TMA7: variants seen among roughly 807,000 people sequenced by gnomAD.
TMA7 encodes translation machinery-associated protein 7.
Under a neutral mutation model 12.5 loss-of-function variants are expected in TMA7, and 5 were observed. That is an observed-to-expected ratio of 0.40 (90% CI 0.21 to 0.84). TMA7 has a LOEUF of 0.84. TMA7 is among the 40% of genes least tolerant of loss of function. The pLI, the probability that TMA7 is intolerant of heterozygous loss-of-function variation, is 0.36. For missense variants in TMA7, 71 were observed against 75.4 expected (o/e 0.94, Z 0.22); for synonymous variants, 36 against 28.1 (o/e 1.28, Z -0.89).
At position 48,440,453 on chromosome 3, in the gene TMA7, G is replaced by A. The variant is rs1189201905; in HGVS notation, c.67G>A (p.Asp23Asn). 1 of 1,612,334 alleles carries A rather than the reference G, an allele frequency of 6.2e-7. No homozygotes were observed. Among genetic ancestry groups the A allele is most frequent in the African/African-American group, 1.3e-5 (1 of 75,048 alleles). ...KQPKKQAKEM[D>N]EEDKAFKQKQ... ...GCCCAAGAAGCAGGCCAAGGAGATG[G>A]ACGAGGTGAGGGCGGGCGCGGAGGC... is the stretch of plus-strand genomic sequence containing the variant. Residue 23 changes from aspartate (D) to asparagine (N), a missense_variant, in exon 2 of 4, where the codon GAC (aspartate) becomes AAC (asparagine). Transcript: ENST00000438607.
intron 3 of TMA7, among the ~76,000 whole-genome samples, chr3:48,443,034 G>A (rs1448874823): frequency 2.0e-5 from 3 of 151,834 alleles, no homozygotes. Context: ...GAGGTCTGGA[G>A]TTCGAGACCT....
chr3:48,442,260 C>CAAA (rs199829895), intron 3 of TMA7, among the ~76,000 whole-genome samples: 1 of 131,838 alleles, frequency 7.6e-6, no homozygotes, highest in African/African-American at 2.7e-5. Context: ...GACCCTATCT[C>CAAA]AAAAAAAAAA....
At chr3:48,440,995 C>CT in intron 3 of TMA7, 1 of 307,504 alleles carries the variant, frequency 3.3e-6, no homozygotes. Flanking sequence ...TTGAACCTTA[C>CT]TTGACTTAGA....
intron 3 of TMA7, among the ~76,000 whole-genome samples, chr3:48,442,981 T>G (rs2039602226): frequency 1.3e-5 from 2 of 151,836 alleles, no homozygotes; most frequent in Non-Finnish European, 2.9e-5. Flanking sequence ...GGCTCAAGAC[T>G]GTAATCCCAG....
chr3:48,442,697 GC>G (rs2039598259), intron 3 of TMA7, among the ~76,000 whole-genome samples: 1 of 151,804 alleles, frequency 6.6e-6, no homozygotes, highest in Non-Finnish European at 1.5e-5. Context: ...TGATCCACCC[GC>G]CTCCACCTCC....
At chr3:48,442,918 C>T (rs886773516) in intron 3 of TMA7, among the ~76,000 whole-genome samples, 1 of 151,984 alleles carries the variant, frequency 6.6e-6, no homozygotes, top group African/African-American at 2.4e-5. Context: ...CCTGGCTTGT[C>T]ACATACTTGA....
At chr3:48,443,512 C>T (rs142092955) in intron 3 of TMA7, among the ~76,000 whole-genome samples, 1,980 of 148,586 alleles carry the variant, frequency 0.013, 33 homozygotes, top group African/African-American at 0.046. Flanking sequence ...GCAGCCTGGG[C>T]GACAGAGCAA....
rs553575062 is a variant in TMA7 at position 48,442,671 on chromosome 3, C to T, written c.161-1177C>T. Among the ~76,000 whole-genome samples the T allele has an allele frequency of 2.0e-5, 3 of 151,806 alleles. No homozygotes were observed. The South Asian group carries it at 6.3e-4, about 32-fold the overall frequency. ...TTCACCATGTTGGCCAGGATGGTCT[C>T]GATCTCCTGACCTCGTGATCCACCC... On this transcript the variant is annotated intron_variant, in intron 3 of 3. Coordinates refer to ENST00000438607, the MANE Select transcript of TMA7 (RefSeq NM_015933.6).
chr3:48,443,535 GAA>G (rs35356755), intron 3 of TMA7, among the ~76,000 whole-genome samples: 6,529 of 114,686 alleles, frequency 0.057, 436 homozygotes, highest in African/African-American at 0.17. Flanking sequence ...TTCCATCTCA[GAA>G]AAAAAAAAAA....
chr3:48,440,805 G>C lies in TMA7; in HGVS notation c.160+177G>C, dbSNP rs1232837964. 77 of 640,374 alleles carry C rather than the reference G, an allele frequency of 1.2e-4. 1 individual carries two copies. The highest frequency in any genetic ancestry group is 2.7e-5 in the Non-Finnish European group (10 of 364,542). The allele number at this position is 640,374 out of a possible 1,614,324, so 39.7% of individuals were successfully genotyped here. A position where few individuals can be genotyped will look rare whatever the true frequency, so the allele number is the denominator to read the frequency against. ...TTTGCAGCGGCAGTAAGGGCCGGGA[G>C]CTGGAAACGAGGTCTCCTGCCTCCC... On this transcript the variant is annotated intron_variant, in intron 3 of 3. Transcript: ENST00000438607.
chr3:48,443,352 A>C (rs1006499488), intron 3 of TMA7, among the ~76,000 whole-genome samples: 1 of 151,654 alleles, frequency 6.6e-6, no homozygotes, highest in Non-Finnish European at 1.5e-5. Context: ...GTTCGAGACC[A>C]GCCTGACCAA....
At chr3:48,443,808 A>G (rs2039620353) in intron 3 of TMA7, 40 bp from the exon 4 acceptor site, 6 of 1,533,598 alleles carry the variant, frequency 3.9e-6, no homozygotes, top group South Asian at 1.3e-5. Context: ...TACCGTAAGA[A>G]CTATATTTTT....
chr3:48,441,953 G>A (rs1386987293), intron 3 of TMA7, among the ~76,000 whole-genome samples: 1 of 152,192 alleles, frequency 6.6e-6, no homozygotes, highest in Non-Finnish European at 1.5e-5. Flanking sequence ...GGTGTAAGGG[G>A]CCAGGCACAG....
chr3:48,443,205 C>T (rs1361770286), intron 3 of TMA7, among the ~76,000 whole-genome samples: 1 of 140,940 alleles, frequency 7.1e-6, no homozygotes, highest in Non-Finnish European at 1.5e-5. Context: ...TGCACCACCG[C>T]AGTCCAGCCT....
chr3:48,442,373 A>G (rs1337105658), intron 3 of TMA7, among the ~76,000 whole-genome samples: 1 of 150,940 alleles, frequency 6.6e-6, no homozygotes, highest in Non-Finnish European at 1.5e-5. Context: ...ATTGAGCATC[A>G]TCTGATTTTT....
Position 48,444,159 on chromosome 3 carries a change from C to G in TMA7, c.*277C>G. ...CAGAGTCTGTTCTTTGGTCCTTGTT[C>G]TACCCTAAACTTTGTATCACCTGAA... On this transcript the variant is annotated 3_prime_UTR_variant, in exon 4 of 4. Coordinates refer to ENST00000438607, the MANE Select transcript of TMA7 (RefSeq NM_015933.6). The G allele has an allele frequency of 3.2e-6, 1 of 309,362 alleles. No homozygotes were observed. Among genetic ancestry groups the G allele is most frequent in the Non-Finnish European group, 5.9e-6 (1 of 170,074 alleles). The allele number at this position is 309,362 out of a possible 1,614,324, so 19.2% of individuals were successfully genotyped here. A position where few individuals can be genotyped will look rare whatever the true frequency, so the allele number is the denominator to read the frequency against.
rs1391192003 is a variant in TMA7, at chr3:48,440,401, A to G, written c.17-2A>G. 1.9e-6 allele frequency: 3 copies of G among 1,611,810 alleles called. No individual in the cohort carries two copies. The highest frequency in any genetic ancestry group is 2.2e-5 in the South Asian group (2 of 91,070). On this transcript the variant is annotated splice_acceptor_variant, in intron 1 of 3. Transcript: ENST00000438607. LOFTEE classifies it high-confidence loss of function. ...GGCCGAACGTGCTCGTGTCGCCCAC[A>G]GGTGGCAAGAAGAAGCCACTGAAAC...
intron 3 of TMA7, 28 bp downstream of exon 3, chr3:48,440,656 C>T (rs1031405062): frequency 3.8e-6 from 6 of 1,597,892 alleles, no homozygotes; most frequent in Non-Finnish European, 5.1e-6. Flanking sequence ...GGAGCTCAAG[C>T]TGGCCAAACG....
At chr3:48,440,519 A>G (rs774289161) in intron 2 of TMA7, 22 bp from the exon 3 acceptor site, 1 of 1,608,102 alleles carries the variant, frequency 6.2e-7, no homozygotes, top group Admixed American at 1.7e-5. Flanking sequence ...GCCTGAGTTG[A>G]ACACGCTCTG....
Sources: gnomAD v4.1 joint callset for allele counts (sites outside exome capture counted in the v4.1 genomes callset) on GRCh38, gnomAD v4.1.1 for gene constraint, MANE v1.5 for transcripts, NCBI Gene and HGNC (gene_info 2026-07-23, HGNC 2026-07-21) for gene names.